Variants in SORD observed in about 807,000 individuals in gnomAD.
SORD encodes the protein sorbitol dehydrogenase, also known as (R,R)-butanediol dehydrogenase.
A neutral mutation model predicts 35.6 loss-of-function variants in SORD; 18 were observed. The observed-to-expected ratio is 0.51, with a 90% CI of 0.35 to 0.75. The LOEUF (loss-of-function observed/expected upper bound fraction) is 0.75. Ranked by LOEUF, SORD falls within the 30% of genes least tolerant of loss-of-function variation. The pLI is 0.01. For missense variants in SORD, 250 were observed against 390.2 expected (o/e 0.64, Z 3.03); for synonymous variants, 106 against 152.9 (o/e 0.69, Z 2.26).
At chr15:45,040,838 GGAGT>G (rs1425246513) in intron 2 of SORD, among the ~76,000 whole-genome samples, 1 of 152,200 alleles carries the variant, frequency 6.6e-6, no homozygotes, top group African/African-American at 2.4e-5. Flanking sequence ...ACTTTGAAAA[GGAGT>G]GAGTCTACAG....
Position 45,023,203 on chromosome 15 carries a change from G to T in SORD, c.-81G>T. Reference sequence around the variant, plus strand: ...GGCCCCACCTTCCATCCAGTGCCCTGGACCCTCGGCTGGGTAGCGCCACCA... The same window carrying T: ...GGCCCCACCTTCCATCCAGTGCCCTTGACCCTCGGCTGGGTAGCGCCACCA... On this transcript the variant is annotated 5_prime_UTR_variant, in exon 1 of 9. Transcript: ENST00000267814. The T allele has an allele frequency of 7.9e-7, 1 of 1,268,236 alleles. No individual in the cohort carries two copies. The highest frequency in any genetic ancestry group is 1.5e-5 in the African/African-American group (1 of 65,462). 78.6% of individuals were successfully genotyped at this position (1,268,236 alleles called of 1,614,324 possible).
intron 3 of SORD, among the ~76,000 whole-genome samples, chr15:45,056,912 G>T (rs772729988): frequency 6.8e-4 from 103 of 152,316 alleles, no homozygotes; most frequent in Middle Eastern, 3.4e-3. Flanking sequence ...CACTTACAAG[G>T]CTGTGGTAGA....
chr15:45,063,677 A>G (rs1216452061), intron 4 of SORD, among the ~76,000 whole-genome samples: 1 of 152,204 alleles, frequency 6.6e-6, no homozygotes, highest in Non-Finnish European at 1.5e-5. Context: ...TCCTCGATGT[A>G]GTTTCCACGC....
intron 1 of SORD, among the ~76,000 whole-genome samples, chr15:45,039,620 G>T (rs34058500): frequency 6.6e-6 from 1 of 151,740 alleles, no homozygotes; most frequent in Non-Finnish European, 1.5e-5. Context: ...AGCTCAGATT[G>T]CTTTTGAACC....
At chr15:45,048,597 G>A (rs1893081380) in intron 3 of SORD, among the ~76,000 whole-genome samples, 1 of 152,130 alleles carries the variant, frequency 6.6e-6, no homozygotes, top group Admixed American at 6.6e-5. Context: ...CAGGCATGGT[G>A]GCATGCACCT....
Position 45,075,411 on chromosome 15 carries a change from G to C in SORD, c.*1881G>C, listed in dbSNP as rs1893575340. 7.6e-6 allele frequency: 1 copy of C among 132,306 alleles called. No individual in the cohort carries two copies. The highest frequency in any genetic ancestry group is 2.2e-4 in the South Asian group (1 of 4,626). The allele number at this position is 132,306 out of a possible 1,614,324, so 8.2% of individuals were successfully genotyped here. A position where few individuals can be genotyped will look rare whatever the true frequency, so the allele number is the denominator to read the frequency against. On this transcript the variant is annotated 3_prime_UTR_variant, in exon 9 of 9. Coordinates refer to ENST00000267814, the MANE Select transcript of SORD (RefSeq NM_003104.6). Reference sequence around the variant, plus strand: ...AGGGCTTTAAGAGAGAAGGAAGCTGGGAGTGAGGGGCAGAGGCTCTACCAG... The same window carrying C: ...AGGGCTTTAAGAGAGAAGGAAGCTGCGAGTGAGGGGCAGAGGCTCTACCAG...
intron 4 of SORD, among the ~76,000 whole-genome samples, chr15:45,062,904 T>C (rs553013637): frequency 1.4e-5 from 2 of 145,402 alleles, no homozygotes; most frequent in East Asian, 1.9e-4. Flanking sequence ...TGAGATCCAA[T>C]GAGAAAAGCA....
chr15:45,046,477 A>C (rs1893046698), intron 3 of SORD, among the ~76,000 whole-genome samples: 1 of 152,196 alleles, frequency 6.6e-6, no homozygotes. Context: ...TCCTGACCTC[A>C]GGTGATCAGC....
chr15:45,068,422 A>G (rs1893443294), intron 6 of SORD, among the ~76,000 whole-genome samples, 176 bp downstream of exon 6: 1 of 148,448 alleles, frequency 6.7e-6, no homozygotes, highest in Non-Finnish European at 1.5e-5. Flanking sequence ...AGAAGCTATC[A>G]GAGAGAGAGA....
chr15:45,033,921 A>T (rs186122912), intron 1 of SORD, among the ~76,000 whole-genome samples: 1 of 152,178 alleles, frequency 6.6e-6, no homozygotes, highest in Non-Finnish European at 1.5e-5. Context: ...GGAAGGTCAT[A>T]TAAGAACTTA....
intron 3 of SORD, among the ~76,000 whole-genome samples, chr15:45,047,948 G>T (rs1435197315): frequency 1.3e-5 from 2 of 152,222 alleles, no homozygotes; most frequent in Admixed American, 1.3e-4. Flanking sequence ...ACTTTGATGT[G>T]TAGCAATACC....
intron 1 of SORD, chr15:45,036,357 T>C (rs149848967): frequency 5.3e-4 from 240 of 455,942 alleles, no homozygotes; most frequent in African/African-American, 4.5e-3. Context: ...AAAGAAGAAT[T>C]ACTCAATTCC....
At position 45,075,487 on chromosome 15, in the gene SORD, C is replaced by T. The variant is rs1024652646; in HGVS notation, c.*1957C>T. 4.2e-5 allele frequency: 5 copies of T among 117,662 alleles called. No individual in the cohort carries two copies. Among genetic ancestry groups the T allele is most frequent in the African/African-American group, 2.3e-4 (4 of 17,476 alleles). The allele number at this position is 117,662 out of a possible 1,614,324, so 7.3% of individuals were successfully genotyped here. ...CACTTCCTGCAGCCTATGCATGCCTCGTGAAGCCATTTCACTGCTGCCCCT... is the reference window on the plus strand; with the variant it reads ...CACTTCCTGCAGCCTATGCATGCCTTGTGAAGCCATTTCACTGCTGCCCCT... On this transcript the variant is annotated 3_prime_UTR_variant, in exon 9 of 9. Coordinates refer to ENST00000267814, the MANE Select transcript of SORD (RefSeq NM_003104.6).
intron 1 of SORD, among the ~76,000 whole-genome samples, chr15:45,029,677 C>T (rs1892739462): frequency 1.3e-5 from 2 of 152,266 alleles, no homozygotes; most frequent in Admixed American, 1.3e-4. Context: ...TTCTGGGTAC[C>T]TGTACTTGGT....
Position 45,023,302 on chromosome 15 carries a change from C to A in SORD, c.19C>A (p.Pro7Thr). The A allele has an allele frequency of 6.3e-7, 1 of 1,589,290 alleles. No individual in the cohort carries two copies. Among genetic ancestry groups the A allele is most frequent in the Non-Finnish European group, 8.6e-7 (1 of 1,169,352 alleles). Residue 7 changes from proline to threonine, a missense_variant, in exon 1 of 9, where the codon CCC becomes ACC. Physicochemically the swap from Pro to Thr is conservative, Grantham distance 38 (BLOSUM62 -1). This residue lies in a region of SORD where 43 missense variants were observed against 30.6 expected (regional missense o/e 1.40). Transcript: ENST00000267814. MAAAAKPNNLSLVVHGP... is the reference protein window; with the variant it reads MAAAAKTNNLSLVVHGP... ...GAGCTCCATGGCGGCGGCGGCCAAG[C>A]CCAACAACCTTTCCCTGGTGGTGCA...
chr15:45,037,414 A>C (rs1253451307), intron 1 of SORD, among the ~76,000 whole-genome samples: 1 of 151,994 alleles, frequency 6.6e-6, no homozygotes, highest in Admixed American at 6.6e-5. Context: ...CCACCTCTCC[A>C]CCTCGAAATG....
Position 45,034,129 on chromosome 15 carries a change from T to C in SORD, c.67-6279T>C, listed in dbSNP as rs576550420. ...GTGAACTAATTATGGAAAAAGAACT[T>C]TGATTTTACTTCTTTTGTAATAAGA... On this transcript the variant is annotated intron_variant, in intron 1 of 8. Transcript: ENST00000267814. Among the ~76,000 whole-genome samples, 3 of 151,574 alleles carry C rather than the reference T, an allele frequency of 2.0e-5. No individual in the cohort carries two copies. The East Asian group carries it at 5.8e-4, about 29-fold the overall frequency.
intron 1 of SORD, among the ~76,000 whole-genome samples, chr15:45,038,866 A>G (rs1322817172): frequency 1.3e-5 from 2 of 152,058 alleles, no homozygotes; most frequent in African/African-American, 4.8e-5. Flanking sequence ...AGTTTTCTTC[A>G]TGGGGCCCAG....
intron 3 of SORD, among the ~76,000 whole-genome samples, chr15:45,048,779 G>A (rs1316449704): frequency 1.3e-5 from 2 of 152,248 alleles, no homozygotes; most frequent in African/African-American, 2.4e-5. Context: ...CAGCAGCAGC[G>A]GGGGTGGAGG....
Sources: gnomAD v4.1 joint callset for allele counts (sites outside exome capture counted in the v4.1 genomes callset) on GRCh38, gnomAD v4.1.1 for gene constraint, gnomAD v4.1.1 regional missense constraint, MANE v1.5 for transcripts, NCBI Gene and HGNC (gene_info 2026-07-23, HGNC 2026-07-21) for gene names.